Variants in PTPRG observed in about 807,000 individuals in gnomAD.
The protein encoded by PTPRG is protein tyrosine phosphatase receptor type G, also known as receptor-type tyrosine-protein phosphatase gamma.
PTPRG carries 102 observed loss-of-function variants against 165.3 expected under a neutral mutation model. The ratio of observed to expected loss-of-function variants is 0.62; its 90% CI spans 0.53 to 0.73. The LOEUF is 0.73. PTPRG is among the 30% of genes least tolerant of loss of function. The probability of loss-of-function intolerance (pLI) is 0.00; values close to 1 mark genes in which losing one functional copy is unlikely to be tolerated. For missense variants in PTPRG, 1,866 were observed against 1,861.4 expected (o/e 1.00, Z -0.05); for synonymous variants, 675 against 669.5 (o/e 1.01, Z -0.13).
chr3:61,948,994 G>C (rs1234228640), intron 2 of PTPRG, among the ~76,000 whole-genome samples: 1 of 144,494 alleles, frequency 6.9e-6, no homozygotes, highest in East Asian at 2.0e-4. Flanking sequence ...TCAAACTGCT[G>C]ACACTCCAAG....
chr3:62,017,591 ATT>A (rs11324791), intron 4 of PTPRG, among the ~76,000 whole-genome samples: 128 of 142,772 alleles, frequency 9.0e-4, no homozygotes, highest in Non-Finnish European at 6.5e-4. Context: ...AATTTTTTGT[ATT>A]TTTTTTTTTT....
At chr3:61,621,273 A>G (rs1429821063) in intron 1 of PTPRG, among the ~76,000 whole-genome samples, 1 of 152,070 alleles carries the variant, frequency 6.6e-6, no homozygotes, top group Non-Finnish European at 1.5e-5. Flanking sequence ...GCCTTAGGTG[A>G]CGAGGCTGGC....
intron 5 of PTPRG, among the ~76,000 whole-genome samples, chr3:62,115,091 A>T (rs1006197954): frequency 6.6e-6 from 1 of 152,228 alleles, no homozygotes; most frequent in African/African-American, 2.4e-5. Context: ...TTTTCAGGTC[A>T]TCAGAAAAAT....
At chr3:61,605,621 T>C (rs1436084503) in intron 1 of PTPRG, among the ~76,000 whole-genome samples, 5 of 152,090 alleles carry the variant, frequency 3.3e-5, no homozygotes, top group Non-Finnish European at 5.9e-5. Context: ...TAGACTGAAG[T>C]GCAGTGCTGT....
At chr3:61,942,036 A>G (rs540048466) in intron 2 of PTPRG, among the ~76,000 whole-genome samples, 1 of 151,934 alleles carries the variant, frequency 6.6e-6, no homozygotes, top group South Asian at 2.1e-4. Context: ...GGCAGGCATC[A>G]TAATCCCAGG....
intron 1 of PTPRG, among the ~76,000 whole-genome samples, chr3:61,681,284 C>T (rs1413284182): frequency 6.6e-6 from 1 of 152,132 alleles, no homozygotes; most frequent in Non-Finnish European, 1.5e-5. Context: ...AACTACCCAC[C>T]ACACACCCAA....
At chr3:61,788,815 G>T (rs1401721652) in intron 2 of PTPRG, among the ~76,000 whole-genome samples, 2 of 152,184 alleles carry the variant, frequency 1.3e-5, no homozygotes, top group Non-Finnish European at 2.9e-5. Flanking sequence ...TCACTTTTGA[G>T]TACCAATAAA....
intron 2 of PTPRG, among the ~76,000 whole-genome samples, chr3:61,820,330 C>G (rs532176594): frequency 1.3e-5 from 2 of 152,234 alleles, no homozygotes; most frequent in Non-Finnish European, 2.9e-5. Flanking sequence ...GTTTTCCCTT[C>G]CTCTGCCTTT....
intron 4 of PTPRG, among the ~76,000 whole-genome samples, chr3:62,028,944 A>C (rs1004392290): frequency 1.3e-5 from 2 of 152,184 alleles, no homozygotes; most frequent in Non-Finnish European, 2.9e-5. Context: ...CCTAATGCCA[A>C]AGACCCAGGA....
intron 1 of PTPRG, among the ~76,000 whole-genome samples, chr3:61,722,855 C>A (rs2106798682): frequency 6.6e-6 from 1 of 152,232 alleles, no homozygotes; most frequent in East Asian, 1.9e-4. Flanking sequence ...AATGTATTTT[C>A]TGTTCTTAAG....
At chr3:62,221,422 T>C (rs951706967) in intron 13 of PTPRG, among the ~76,000 whole-genome samples, 23 of 152,154 alleles carry the variant, frequency 1.5e-4, no homozygotes, top group Admixed American at 5.9e-4. Flanking sequence ...GATGAATGAG[T>C]TGGCTAAGCA....
intron 4 of PTPRG, among the ~76,000 whole-genome samples, chr3:62,066,518 A>C (rs77512231): frequency 4.9e-5 from 1 of 20,330 alleles, no homozygotes; most frequent in African/African-American, 7.1e-5. Context: ...AAAGAGCACA[A>C]ACACTGTGGT....
chr3:61,589,281 T>TA (rs1700509088), intron 1 of PTPRG, among the ~76,000 whole-genome samples: 1 of 152,172 alleles, frequency 6.6e-6, no homozygotes, highest in Non-Finnish European at 1.5e-5. Flanking sequence ...ATTTATTATA[T>TA]GGCCTGTTAC....
chr3:61,877,786 G>A (rs965941942), intron 2 of PTPRG, among the ~76,000 whole-genome samples: 4 of 152,170 alleles, frequency 2.6e-5, no homozygotes, highest in Admixed American at 6.5e-5. Flanking sequence ...TGCTTCCAAG[G>A]TATTTAAACT....
intron 2 of PTPRG, among the ~76,000 whole-genome samples, chr3:61,876,871 A>G (rs1337206853): frequency 2.6e-5 from 4 of 152,208 alleles, no homozygotes; most frequent in African/African-American, 9.7e-5. Context: ...TTATCTGCCT[A>G]AAATATTACA....
chr3:62,170,476 A>C (rs1705174546), intron 8 of PTPRG, among the ~76,000 whole-genome samples: 2 of 152,272 alleles, frequency 1.3e-5, no homozygotes, highest in South Asian at 4.1e-4. Flanking sequence ...AGCATATGAT[A>C]TATCAGCTGT....
intron 2 of PTPRG, among the ~76,000 whole-genome samples, chr3:61,905,378 A>G (rs1156772609): frequency 6.6e-6 from 1 of 152,092 alleles, no homozygotes; most frequent in African/African-American, 2.4e-5. Context: ...TTCTAAGACC[A>G]TATCTAGTGG....
chr3:62,201,674 G>A (rs533701024), intron 11 of PTPRG, 120 bp downstream of exon 11: 113 of 799,866 alleles, frequency 1.4e-4, no homozygotes, highest in Non-Finnish European at 6.6e-5. Flanking sequence ...AGCGGTTATA[G>A]TAGAGAAAAA....
intron 1 of PTPRG, among the ~76,000 whole-genome samples, chr3:61,737,728 C>T (rs1012167662): frequency 2.0e-5 from 3 of 151,796 alleles, no homozygotes; most frequent in African/African-American, 4.8e-5. Flanking sequence ...TGTATTTGAT[C>T]CCCAGACGCA....
Sources: gnomAD v4.1 joint callset for allele counts (sites outside exome capture counted in the v4.1 genomes callset) on GRCh38, gnomAD v4.1.1 for gene constraint, MANE v1.5 for transcripts, NCBI Gene and HGNC (gene_info 2026-07-23, HGNC 2026-07-21) for gene names.